The following GRID1 variants were observed in gnomAD, a reference collection of about 807,000 sequenced individuals.
The protein encoded by GRID1 is glutamate receptor ionotropic, delta-1.
GRID1 carries 28 observed loss-of-function variants against 98.0 expected under a neutral mutation model. The ratio of observed to expected loss-of-function variants is 0.29; its 90% CI spans 0.21 to 0.39. The LOEUF is 0.39. GRID1 is among the 10% of genes least tolerant of loss of function. GRID1 has a pLI of 1.00. For synonymous variants in GRID1, 553 were observed against 538.5 expected (o/e 1.03, Z -0.37); for missense variants, 1,111 against 1,340.5 (o/e 0.83, Z 2.67).
chr10:85,836,567 T>G (rs1373896566), intron 8 of GRID1, among the ~76,000 whole-genome samples: 1 of 152,168 alleles, frequency 6.6e-6, no homozygotes, highest in African/African-American at 2.4e-5. Context: ...ACACTTGAGA[T>G]AGCAGGGATA....
chr10:85,717,964 C>G (rs564737898), intron 12 of GRID1, among the ~76,000 whole-genome samples: 5 of 152,318 alleles, frequency 3.3e-5, no homozygotes, highest in African/African-American at 1.2e-4. Flanking sequence ...GGTCTCACAT[C>G]CAAGACACAC....
At chr10:85,877,379 G>C (rs1013948343) in intron 5 of GRID1, among the ~76,000 whole-genome samples, 1 of 152,218 alleles carries the variant, frequency 6.6e-6, no homozygotes, top group East Asian at 1.9e-4. Flanking sequence ...ACACCTCACA[G>C]GGCTGGGTAC....
intron 4 of GRID1, among the ~76,000 whole-genome samples, chr10:85,928,458 A>G (rs1841805670): frequency 6.6e-6 from 1 of 152,218 alleles, no homozygotes; most frequent in Non-Finnish European, 1.5e-5. Context: ...CCAGTGTGGG[A>G]ATCGGCACTG....
intron 12 of GRID1, among the ~76,000 whole-genome samples, chr10:85,700,460 T>C (rs1841438521): frequency 1.3e-5 from 2 of 152,320 alleles, no homozygotes; most frequent in South Asian, 4.1e-4. Flanking sequence ...TCTTTCTGAA[T>C]GTAGGATGCT....
At chr10:86,046,861 C>CAAAAA (rs199526669) in intron 4 of GRID1, among the ~76,000 whole-genome samples, 4 of 107,690 alleles carry the variant, frequency 3.7e-5, no homozygotes, top group African/African-American at 1.1e-4. Flanking sequence ...AAGCCCATTT[C>CAAAAA]AAAAAAAAAA....
At chr10:85,661,162 A>G (rs1840961248) in intron 12 of GRID1, among the ~76,000 whole-genome samples, 1 of 150,582 alleles carries the variant, frequency 6.6e-6, no homozygotes, top group Non-Finnish European at 1.5e-5. Context: ...GCCTGCTTTG[A>G]ATCTGCATTT....
intron 3 of GRID1, among the ~76,000 whole-genome samples, chr10:86,150,503 G>A (rs897835873): frequency 1.3e-5 from 2 of 152,184 alleles, no homozygotes; most frequent in Non-Finnish European, 2.9e-5. Flanking sequence ...ATTTCCAAGT[G>A]TTTGTCCAAA....
intron 2 of GRID1, among the ~76,000 whole-genome samples, chr10:86,245,014 C>T (rs888882213): frequency 6.6e-6 from 1 of 152,164 alleles, no homozygotes; most frequent in African/African-American, 2.4e-5. Flanking sequence ...TTGATGCTAC[C>T]CAGGGTAATT....
intron 3 of GRID1, among the ~76,000 whole-genome samples, chr10:86,144,469 C>T (rs1048193711): frequency 1.1e-4 from 17 of 152,246 alleles, no homozygotes; most frequent in African/African-American, 3.9e-4. Context: ...GGAGAGGACA[C>T]AGGTCCCTCC....
chr10:86,144,294 GA>G (rs1845053606), intron 3 of GRID1, among the ~76,000 whole-genome samples: 1 of 152,116 alleles, frequency 6.6e-6, no homozygotes, highest in Non-Finnish European at 1.5e-5. Context: ...AAACCCCTAG[GA>G]AGAACATTCC....
intron 8 of GRID1, among the ~76,000 whole-genome samples, chr10:85,838,574 A>T (rs1391435683): frequency 6.6e-6 from 1 of 152,106 alleles, no homozygotes; most frequent in East Asian, 1.9e-4. Flanking sequence ...TTCATTAGCA[A>T]AGGAGCATTT....
At chr10:86,060,911 G>A (rs1843639023) in intron 4 of GRID1, among the ~76,000 whole-genome samples, 1 of 152,128 alleles carries the variant, frequency 6.6e-6, no homozygotes, top group Non-Finnish European at 1.5e-5. Flanking sequence ...TCCCAACAGA[G>A]CTGGCAGGCA....
chr10:86,043,158 G>C (rs1298289609), intron 4 of GRID1, among the ~76,000 whole-genome samples: 1 of 152,108 alleles, frequency 6.6e-6, no homozygotes, highest in African/African-American at 2.4e-5. Flanking sequence ...TACACACAAA[G>C]ATATACCTGA....
At chr10:86,290,964 G>A (rs1042677451) in intron 2 of GRID1, among the ~76,000 whole-genome samples, 2 of 152,188 alleles carry the variant, frequency 1.3e-5, no homozygotes, top group African/African-American at 4.8e-5. Context: ...GGGCAGCAGT[G>A]AGATTCTGAC....
chr10:86,244,902 G>T (rs948104033), intron 2 of GRID1, among the ~76,000 whole-genome samples: 1 of 152,164 alleles, frequency 6.6e-6, no homozygotes, highest in Non-Finnish European at 1.5e-5. Flanking sequence ...GTGCATTGCT[G>T]CCAGAATAGC....
At position 86,117,645 on chromosome 10, in the gene GRID1, C is replaced by T. The variant is rs148140463; in HGVS notation, c.726+21174G>A. Reference sequence around the variant, plus strand: ...CCACCATCACCACCACCACCATTAACCTCACAGATCACAACTAATTTGACC... The same window carrying T: ...CCACCATCACCACCACCACCATTAATCTCACAGATCACAACTAATTTGACC... On this transcript the variant is annotated intron_variant, in intron 4 of 15. Coordinates refer to ENST00000327946, the MANE Select transcript of GRID1 (RefSeq NM_017551.3). Among the ~76,000 whole-genome samples, 405 of 152,350 alleles carry T rather than the reference C, an allele frequency of 2.7e-3. 2 individuals are homozygous for T. The highest frequency in any genetic ancestry group is 9.4e-3 in the African/African-American group (391 of 41,584).
chr10:86,325,664 AC>A (rs759759282), intron 2 of GRID1, among the ~76,000 whole-genome samples: 1 of 152,380 alleles, frequency 6.6e-6, no homozygotes, highest in Non-Finnish European at 1.5e-5. Context: ...AAAGAACATA[AC>A]AAGAGAAATT....
In GRID1 at chr10:86,004,740, T is replaced by TCACACACATACACA. The variant is rs1554845799; in HGVS notation, c.727-88502_727-88501insTGTGTATGTGTGTG. ...TCTCTCTCTTTCTACACACACACAC[T>TCACACACATACACA]CACACACACACACACACAGACTTGA... is the stretch of plus-strand genomic sequence containing the variant. On this transcript the variant is annotated intron_variant, in intron 4 of 15. Transcript: ENST00000327946. Among the ~76,000 whole-genome samples, 19 of 94,348 alleles carry TCACACACATACACA rather than the reference T, an allele frequency of 2.0e-4. 1 individual carries two copies. The East Asian group carries it at 5.7e-3, about 28-fold the overall frequency. 61.9% of individuals were successfully genotyped at this position (94,348 alleles called of 152,430 possible).
At chr10:86,182,126 G>A (rs1845664517) in intron 3 of GRID1, among the ~76,000 whole-genome samples, 1 of 152,226 alleles carries the variant, frequency 6.6e-6, no homozygotes, top group South Asian at 2.1e-4. Context: ...TTAGAGCTGT[G>A]TGCTCGCCCT....
Sources: gnomAD v4.1 joint callset for allele counts (sites outside exome capture counted in the v4.1 genomes callset) on GRCh38, gnomAD v4.1.1 for gene constraint, MANE v1.5 for transcripts, NCBI Gene and HGNC (gene_info 2026-07-23, HGNC 2026-07-21) for gene names.